Variants in VSNL1 observed in about 807,000 individuals in gnomAD.
VSNL1 encodes visinin-like protein 1.
A neutral mutation model predicts 20.4 loss-of-function variants in VSNL1; 6 were observed. The observed-to-expected ratio is 0.29, with a 90% confidence interval of 0.16 to 0.58. VSNL1 has a LOEUF of 0.58. Ranked by LOEUF, VSNL1 falls within the 20% of genes least tolerant of loss-of-function variation. The pLI is 0.90. For missense variants in VSNL1, 100 were observed against 234.5 expected, an observed-to-expected ratio of 0.43 and a Z score of 3.75; for synonymous variants, 93 against 86.4, an observed-to-expected ratio of 1.08 and a Z score of -0.42.
chr2:17,599,149 C>G (rs1664774228), intron 2 of VSNL1, among the ~76,000 whole-genome samples: 3 of 152,132 alleles, frequency 2.0e-5, no homozygotes, highest in Non-Finnish European at 1.5e-5. Context: ...ATCCAGAAAC[C>G]TATAGTGAAG....
intron 2 of VSNL1, among the ~76,000 whole-genome samples, chr2:17,620,219 G>C (rs1665324371): frequency 6.6e-6 from 1 of 152,178 alleles, no homozygotes; most frequent in South Asian, 2.1e-4. Flanking sequence ...GTATGAACGG[G>C]CAAAACCCTG....
At chr2:17,615,110 T>C (rs573736729) in intron 2 of VSNL1, among the ~76,000 whole-genome samples, 72 of 152,306 alleles carry the variant, frequency 4.7e-4, no homozygotes, top group Middle Eastern at 6.8e-3. Flanking sequence ...CCATGACATG[T>C]CATTAAATAA....
At chr2:17,585,077 A>T (rs910213404) in intron 1 of VSNL1, among the ~76,000 whole-genome samples, 1 of 152,192 alleles carries the variant, frequency 6.6e-6, no homozygotes, top group Non-Finnish European at 1.5e-5. Flanking sequence ...TGTTTGCCTT[A>T]TCTTGAGTCC....
chr2:17,619,881 T>TC (rs112321369), intron 2 of VSNL1, among the ~76,000 whole-genome samples: 25 of 148,854 alleles, frequency 1.7e-4, no homozygotes, highest in Middle Eastern at 3.4e-3. Flanking sequence ...AAAAATGCAA[T>TC]CCCCCCCCAA....
intron 2 of VSNL1, among the ~76,000 whole-genome samples, chr2:17,643,312 T>C (rs1208806296): frequency 6.6e-6 from 1 of 152,204 alleles, no homozygotes; most frequent in Non-Finnish European, 1.5e-5. Flanking sequence ...CCCATCCATG[T>C]GACTAAAGTG....
intron 1 of VSNL1, among the ~76,000 whole-genome samples, chr2:17,577,631 T>C (rs1477368373): frequency 6.6e-6 from 1 of 152,196 alleles, no homozygotes; most frequent in Admixed American, 6.5e-5. Flanking sequence ...TTTCAATGGC[T>C]ACCCTTCTAT....
chr2:17,585,258 C>T (rs1317694209), intron 1 of VSNL1, among the ~76,000 whole-genome samples: 1 of 152,008 alleles, frequency 6.6e-6, no homozygotes, highest in Non-Finnish European at 1.5e-5. Flanking sequence ...GAAATGCCAG[C>T]TTGTGGTCCA....
chr2:17,549,398 A>G (rs1462236836), intron 1 of VSNL1, among the ~76,000 whole-genome samples: 3 of 152,212 alleles, frequency 2.0e-5, no homozygotes, highest in South Asian at 2.1e-4. Context: ...ATACATACAT[A>G]CACACATACA....
At chr2:17,630,618 AGAT>A (rs1286764457) in intron 2 of VSNL1, among the ~76,000 whole-genome samples, 1 of 152,270 alleles carries the variant, frequency 6.6e-6, no homozygotes, top group African/African-American at 2.4e-5. Flanking sequence ...AGAAGAGAGA[AGAT>A]GATAACTTCC....
chr2:17,566,803 G>T (rs533273656), intron 1 of VSNL1, among the ~76,000 whole-genome samples: 1 of 152,120 alleles, frequency 6.6e-6, no homozygotes, highest in African/African-American at 2.4e-5. Context: ...TTTGAGATTG[G>T]TGTGAGGTTG....
intron 2 of VSNL1, among the ~76,000 whole-genome samples, chr2:17,595,217 G>A (rs1362250798): frequency 6.6e-6 from 1 of 152,218 alleles, no homozygotes; most frequent in African/African-American, 2.4e-5. Context: ...GGCCTGCCAC[G>A]GAGCAAGTGT....
At chr2:17,585,822 T>G (rs1449759178) in intron 1 of VSNL1, among the ~76,000 whole-genome samples, 2 of 151,482 alleles carry the variant, frequency 1.3e-5, no homozygotes, top group African/African-American at 4.9e-5. Context: ...TTTTTTTTTT[T>G]GAGGCAGAGT....
At chr2:17,607,833 A>T (rs1223860401) in intron 2 of VSNL1, among the ~76,000 whole-genome samples, 3 of 152,240 alleles carry the variant, frequency 2.0e-5, no homozygotes, top group Admixed American at 6.5e-5. Flanking sequence ...GAAACATTTA[A>T]AGAGTGTTAT....
chr2:17,656,198 CTTATT>C lies in VSNL1; in HGVS notation c.*809_*813del, dbSNP rs1314353786. On this transcript the variant is annotated 3_prime_UTR_variant, in exon 4 of 4. Coordinates refer to ENST00000295156, the MANE Select transcript of VSNL1 (RefSeq NM_003385.5). The stretch of plus-strand genomic sequence containing the variant: ...ATAACAATTGATTTTCCCCCTAATT[CTTATT>C]TTATAATTTTAAAATTGCAGCAGTT... 5.3e-5 allele frequency: 8 copies of C among 152,210 alleles called. No homozygotes were observed. In the East Asian group the frequency reaches 1.3e-3, roughly 26 times the overall value. 9.4% of individuals were successfully genotyped at this position (152,210 alleles called of 1,614,324 possible).
chr2:17,607,795 C>T (rs932734545), intron 2 of VSNL1, among the ~76,000 whole-genome samples: 1 of 152,174 alleles, frequency 6.6e-6, no homozygotes, highest in East Asian at 1.9e-4. Context: ...TTAACTGAAA[C>T]TCAGTTGAAA....
chr2:17,599,746 C>T (rs1664785266), intron 2 of VSNL1, among the ~76,000 whole-genome samples: 1 of 152,178 alleles, frequency 6.6e-6, no homozygotes, highest in Admixed American at 6.5e-5. Flanking sequence ...TCACTTTAAG[C>T]CATAGAGGTT....
chr2:17,614,020 C>A (rs939505665), intron 2 of VSNL1, among the ~76,000 whole-genome samples: 5 of 152,144 alleles, frequency 3.3e-5, no homozygotes, highest in Admixed American at 3.3e-4. Context: ...TGGAAACACG[C>A]ATGGGGAGGT....
intron 1 of VSNL1, among the ~76,000 whole-genome samples, chr2:17,579,891 T>G (rs1664311140): frequency 6.6e-6 from 1 of 152,202 alleles, no homozygotes; most frequent in Admixed American, 6.5e-5. Context: ...AGGCTCATTC[T>G]ATTTAGCTCT....
intron 1 of VSNL1, among the ~76,000 whole-genome samples, chr2:17,560,217 T>C (rs891606681): frequency 6.7e-6 from 1 of 150,280 alleles, no homozygotes; most frequent in Non-Finnish European, 1.5e-5. Flanking sequence ...TACATATATA[T>C]ATAATAATTA....
Sources: allele counts gnomAD v4.1 joint callset (sites outside exome capture counted in the v4.1 genomes callset), GRCh38; gene constraint gnomAD v4.1.1; transcripts MANE v1.5; gene names NCBI Gene and HGNC (gene_info 2026-07-23, HGNC 2026-07-21).